The following LSG1 variants were observed in gnomAD, a reference collection of about 807,000 sequenced individuals.
The protein encoded by LSG1 is large 60S subunit nuclear export GTPase 1.
A neutral mutation model predicts 82.6 loss-of-function variants in LSG1; 55 were observed. That is an observed-to-expected ratio of 0.67 (90% CI 0.54 to 0.83). The LOEUF is 0.83. LSG1 is among the 40% of genes least tolerant of loss of function. The pLI is 0.00. For missense variants in LSG1, 809 were observed against 807.9 expected, an observed-to-expected ratio of 1.00 and a Z score of -0.02; for synonymous variants, 272 against 282.5, an observed-to-expected ratio of 0.96 and a Z score of 0.37.
intron 12 of LSG1, chr3:194,645,517 C>CACACACACAG (rs1718507825): frequency 3.4e-5 from 2 of 58,188 alleles, no homozygotes; most frequent in African/African-American, 1.2e-4. Flanking sequence ...CACACACACA[C>CACACACACAG]ACACACACAC....
At chr3:194,645,519 C>CACACACACAG (rs1718508443) in intron 12 of LSG1, 1 of 51,974 alleles carries the variant, frequency 1.9e-5, no homozygotes, top group Admixed American at 2.4e-4. Context: ...CACACACACA[C>CACACACACAG]ACACACACAC....
rs567272481 is a variant in LSG1, at chr3:194,669,997, T to C, written c.226+12A>G. The stretch of plus-strand genomic sequence containing the variant: ...TGACAGTCTCACCTGCACTCAGCAA[T>C]AAACAACTTACCAGCTACAAACTCT... On this transcript the variant is annotated intron_variant, in intron 2 of 13. Coordinates refer to ENST00000265245, the MANE Select transcript of LSG1 (RefSeq NM_018385.3). 5 of 1,613,048 alleles carry C rather than the reference T, an allele frequency of 3.1e-6. No homozygotes were observed. In the African/African-American group the frequency reaches 6.7e-5, roughly 22 times the overall value.
intron 13 of LSG1, among the ~76,000 whole-genome samples, chr3:194,643,617 C>T (rs759484347): frequency 7.2e-5 from 11 of 152,176 alleles, no homozygotes; most frequent in Non-Finnish European, 1.6e-4. Context: ...TAAAACAGCA[C>T]AGCCACGTTT....
chr3:194,643,770 T>C (rs1341488755), intron 13 of LSG1, among the ~76,000 whole-genome samples: 2 of 152,146 alleles, frequency 1.3e-5, no homozygotes, highest in African/African-American at 2.4e-5. Flanking sequence ...CCATTATTCA[T>C]AGTAGCCAAA....
At chr3:194,654,488 T>C (rs1032208155) in intron 7 of LSG1, among the ~76,000 whole-genome samples, 1 of 152,022 alleles carries the variant, frequency 6.6e-6, no homozygotes, top group Non-Finnish European at 1.5e-5. Context: ...AAACAAAATG[T>C]CAGGAAAAAT....
chr3:194,649,393 A>C (rs1392319299), intron 10 of LSG1, among the ~76,000 whole-genome samples: 6 of 152,092 alleles, frequency 3.9e-5, no homozygotes, highest in Non-Finnish European at 8.8e-5. Flanking sequence ...TTTACAGAGA[A>C]ACTTAAAAGG....
Position 194,641,991 on chromosome 3 carries a change from CG to C in LSG1, c.*76del. The C allele has an allele frequency of 6.7e-7, 1 of 1,499,646 alleles. No individual in the cohort carries two copies. Among genetic ancestry groups the C allele is most frequent in the Non-Finnish European group, 9.1e-7 (1 of 1,099,050 alleles). The allele number at this position is 1,499,646 out of a possible 1,614,324, so 92.9% of individuals were successfully genotyped here. ...GTTCTACAGTGCTAGTGTCTTGGGACGGTTCCACAGGCAACAGGCAGCTTCT... is the reference window on the plus strand; with the variant it reads ...GTTCTACAGTGCTAGTGTCTTGGGACGTTCCACAGGCAACAGGCAGCTTCT... On this transcript the variant is annotated 3_prime_UTR_variant, in exon 14 of 14. Transcript: ENST00000265245.
rs1718516604 is a variant in LSG1, at chr3:194,645,539, C to CACACACACACACACACAGACAG, written c.1623+624_1623+625insCTGTCTGTGTGTGTGTGTGTGT. The CACACACACACACACACAGACAG allele has an allele frequency of 9.3e-5, 3 of 32,408 alleles. 1 individual carries two copies. Among genetic ancestry groups the CACACACACACACACACAGACAG allele is most frequent in the Non-Finnish European group, 1.4e-4 (2 of 14,790 alleles). The allele number at this position is 32,408 out of a possible 1,614,324, so 2.0% of individuals were successfully genotyped here. A position where few individuals can be genotyped will look rare whatever the true frequency, so the allele number is the denominator to read the frequency against. On this transcript the variant is annotated intron_variant, in intron 12 of 13. Transcript: ENST00000265245. ...ACACACACACACACACAGACAGACA[C>CACACACACACACACACAGACAG]ACACACACACACACACACACACACA... is the stretch of plus-strand genomic sequence containing the variant.
intron 8 of LSG1, 169 bp from the exon 9 acceptor site, chr3:194,651,385 G>T: frequency 1.7e-6 from 1 of 602,648 alleles, no homozygotes; most frequent in Non-Finnish European, 3.0e-6. Flanking sequence ...TGTGGTGTGG[G>T]TATATTTATT....
At chr3:194,658,461 A>G (rs1718852848) in intron 7 of LSG1, among the ~76,000 whole-genome samples, 1 of 152,170 alleles carries the variant, frequency 6.6e-6, no homozygotes, top group African/African-American at 2.4e-5. Flanking sequence ...TATAGATATT[A>G]TTTTATTCAA....
At chr3:194,671,340 G>A (rs1283294875) in intron 1 of LSG1, among the ~76,000 whole-genome samples, 1 of 152,142 alleles carries the variant, frequency 6.6e-6, no homozygotes, top group African/African-American at 2.4e-5. Flanking sequence ...AGCACTCCAT[G>A]CTGTTTACTC....
intron 3 of LSG1, 52 bp downstream of exon 3, chr3:194,666,400 T>C (rs1298118567): frequency 1.2e-6 from 2 of 1,605,846 alleles, no homozygotes; most frequent in East Asian, 2.2e-5. Flanking sequence ...AAAAAATGAA[T>C]ACTCAGCAGC....
chr3:194,646,696 T>C (rs1030442519), intron 11 of LSG1, among the ~76,000 whole-genome samples: 17 of 152,170 alleles, frequency 1.1e-4, no homozygotes, highest in African/African-American at 4.1e-4. Context: ...ACTTTTTGTA[T>C]TTTTAGTAGA....
chr3:194,648,168 G>A (rs1296570301), intron 11 of LSG1, among the ~76,000 whole-genome samples: 6 of 149,636 alleles, frequency 4.0e-5, no homozygotes, highest in South Asian at 2.1e-4. Context: ...AGGTTCCCAC[G>A]TGGAATTGGG....
In LSG1 at chr3:194,651,283, C is replaced by A. The variant is rs1577253380; in HGVS notation, c.1174-67G>T. ...TCTATCAAAAGACTCAAAGATATGA[C>A]ATAGATGGTGGCAAGACTAGCATAA... On this transcript the variant is annotated intron_variant, in intron 8 of 13. Coordinates refer to ENST00000265245, the MANE Select transcript of LSG1 (RefSeq NM_018385.3). 3.2e-5 allele frequency: 34 copies of A among 1,077,526 alleles called. No homozygotes were observed. The East Asian group carries it at 7.6e-4, about 24-fold the overall frequency. 66.7% of individuals were successfully genotyped at this position (1,077,526 alleles called of 1,614,324 possible). A position where few individuals can be genotyped will look rare whatever the true frequency, so the allele number is the denominator to read the frequency against.
At chr3:194,657,445 GT>G (rs1366501924) in intron 7 of LSG1, among the ~76,000 whole-genome samples, 1 of 141,288 alleles carries the variant, frequency 7.1e-6, no homozygotes, top group African/African-American at 2.5e-5. Context: ...ATGGGATGAG[GT>G]TTGCTTAGTA....
At chr3:194,643,012 A>G (rs1718431061) in intron 13 of LSG1, among the ~76,000 whole-genome samples, 1 of 152,260 alleles carries the variant, frequency 6.6e-6, no homozygotes, top group African/African-American at 2.4e-5. Flanking sequence ...TAAGGCATGC[A>G]GATAAAGCAC....
rs796607241 is a variant in LSG1, at chr3:194,641,851, T to G, written c.*217A>C. 14 of 439,430 alleles carry G rather than the reference T, an allele frequency of 3.2e-5. 2 individuals carry two copies. Among genetic ancestry groups the G allele is most frequent in the South Asian group, 4.9e-5 (1 of 20,338 alleles). The allele number at this position is 439,430 out of a possible 1,614,324, so 27.2% of individuals were successfully genotyped here. A position where few individuals can be genotyped will look rare whatever the true frequency, so the allele number is the denominator to read the frequency against. ...GTGAGCCACTGTGCCCGGCCAGGAG[T>G]AGGATTCTCGGGCTCCCAGATGACT... is the stretch of plus-strand genomic sequence containing the variant. On this transcript the variant is annotated 3_prime_UTR_variant, in exon 14 of 14. Coordinates refer to ENST00000265245, the MANE Select transcript of LSG1 (RefSeq NM_018385.3).
At chr3:194,668,536 T>G (rs1719078781) in intron 2 of LSG1, among the ~76,000 whole-genome samples, 1 of 152,208 alleles carries the variant, frequency 6.6e-6, no homozygotes, top group African/African-American at 2.4e-5. Context: ...CTTTTTCACT[T>G]ACACTACCCT....
Sources: gnomAD v4.1 joint callset for allele counts (sites outside exome capture counted in the v4.1 genomes callset) on GRCh38, gnomAD v4.1.1 for gene constraint, MANE v1.5 for transcripts, NCBI Gene and HGNC (gene_info 2026-07-23, HGNC 2026-07-21) for gene names.